The following OLFM3 variants were observed in gnomAD, a reference collection of about 807,000 sequenced individuals.
OLFM3 encodes the protein noelin-3.
Under a neutral mutation model 48.6 loss-of-function variants are expected in OLFM3, and 20 were observed. The observed-to-expected ratio is 0.41, with a 90% CI of 0.29 to 0.60. The LOEUF (loss-of-function observed/expected upper bound fraction) is 0.60, where lower values mean the gene tolerates loss of function less well. OLFM3 is among the 20% of genes least tolerant of loss of function. The probability of loss-of-function intolerance (pLI) is 0.28; values close to 1 mark genes in which losing one functional copy is unlikely to be tolerated. For synonymous variants in OLFM3, 222 were observed against 198.1 expected (o/e 1.12, Z -1.01); for missense variants, 437 against 544.3 (o/e 0.80, Z 1.96).
intron 1 of OLFM3, among the ~76,000 whole-genome samples, chr1:101,908,396 A>G (rs1658624359): frequency 6.6e-6 from 1 of 152,240 alleles, no homozygotes; most frequent in Non-Finnish European, 1.5e-5. Flanking sequence ...AGTAAATTAT[A>G]TGTGCTAAAA....
intron 1 of OLFM3, among the ~76,000 whole-genome samples, chr1:101,987,847 T>G (rs10874530): frequency 6.6e-6 from 1 of 151,884 alleles, no homozygotes; most frequent in South Asian, 2.1e-4. Flanking sequence ...TTTGTAATAT[T>G]TAAGCAACTT....
intron 1 of OLFM3, among the ~76,000 whole-genome samples, chr1:101,923,633 A>G (rs933321239): frequency 3.3e-5 from 5 of 152,054 alleles, no homozygotes; most frequent in Admixed American, 6.6e-5. Context: ...ACTTATTCTT[A>G]AAAGGTGACA....
rs1371849434 is a variant in OLFM3 at position 101,953,068 on chromosome 1, T to G, written c.69+43680A>C. Among the ~76,000 whole-genome samples, 3 of 152,160 alleles carry G rather than the reference T, an allele frequency of 2.0e-5. No homozygotes were observed. In the East Asian group the frequency reaches 5.8e-4, roughly 29 times the overall value. Reference sequence around the variant, plus strand: ...ATGCTAGTTTCCAAGACTTATTAATTTAAAAATGTAAAACTTCTCAATATT... The same window carrying G: ...ATGCTAGTTTCCAAGACTTATTAATGTAAAAATGTAAAACTTCTCAATATT... On this transcript the variant is annotated intron_variant, in intron 1 of 5. Coordinates refer to ENST00000370103, the MANE Select transcript of OLFM3 (RefSeq NM_058170.4).
chr1:101,921,601 G>C (rs1359869863), intron 1 of OLFM3, among the ~76,000 whole-genome samples: 1 of 152,092 alleles, frequency 6.6e-6, no homozygotes, highest in Non-Finnish European at 1.5e-5. Context: ...AAGTCTTAGA[G>C]TTCTATCCTC....
At chr1:101,902,592 T>C (rs1313422104) in intron 1 of OLFM3, among the ~76,000 whole-genome samples, 1 of 152,086 alleles carries the variant, frequency 6.6e-6, no homozygotes, top group African/African-American at 2.4e-5. Flanking sequence ...ATAAGAAAGA[T>C]GGTCTCAGTC....
chr1:101,969,486 G>C (rs933304978), intron 1 of OLFM3, among the ~76,000 whole-genome samples: 1 of 151,880 alleles, frequency 6.6e-6, no homozygotes, highest in African/African-American at 2.4e-5. Context: ...TTTTATTATC[G>C]TAAAGAGCCA....
intron 1 of OLFM3, among the ~76,000 whole-genome samples, chr1:101,922,723 A>T (rs1464636752): frequency 6.6e-6 from 1 of 152,130 alleles, no homozygotes; most frequent in Non-Finnish European, 1.5e-5. Context: ...ATGTGTTGTA[A>T]CCTGGAACAC....
intron 1 of OLFM3, among the ~76,000 whole-genome samples, chr1:101,923,845 A>C (rs547572982): frequency 6.6e-6 from 1 of 152,016 alleles, no homozygotes; most frequent in African/African-American, 2.4e-5. Flanking sequence ...ATTCTATATC[A>C]TTTCTTCCAT....
At chr1:101,978,750 G>C (rs1393833805) in intron 1 of OLFM3, among the ~76,000 whole-genome samples, 6 of 152,088 alleles carry the variant, frequency 3.9e-5, no homozygotes, top group African/African-American at 9.7e-5. Flanking sequence ...CAACAACATT[G>C]CAGTACTTTA....
chr1:101,895,477 A>C (rs964731133), intron 1 of OLFM3, among the ~76,000 whole-genome samples: 2 of 151,948 alleles, frequency 1.3e-5, no homozygotes, highest in African/African-American at 4.8e-5. Context: ...ATTAAAATAC[A>C]CCTAAATTCC....
chr1:101,980,187 CGTT>C (rs1661069504), intron 1 of OLFM3, among the ~76,000 whole-genome samples: 1 of 152,042 alleles, frequency 6.6e-6, no homozygotes, highest in Non-Finnish European at 1.5e-5. Context: ...TCAGATGAGA[CGTT>C]GGACTGTGGA....
chr1:101,945,015 A>G (rs1659912393), intron 1 of OLFM3, among the ~76,000 whole-genome samples: 2 of 152,364 alleles, frequency 1.3e-5, no homozygotes, highest in African/African-American at 4.8e-5. Flanking sequence ...CATTTAGAAT[A>G]CATAAAATTA....
At chr1:101,841,360 C>A (rs546644040) in intron 1 of OLFM3, among the ~76,000 whole-genome samples, 1 of 152,296 alleles carries the variant, frequency 6.6e-6, no homozygotes, top group South Asian at 2.1e-4. Flanking sequence ...TATAAGTCAT[C>A]CATTTTGTTA....
chr1:101,967,147 A>G (rs1163595545), intron 1 of OLFM3, among the ~76,000 whole-genome samples: 2 of 152,174 alleles, frequency 1.3e-5, no homozygotes, highest in Non-Finnish European at 2.9e-5. Context: ...AATACACACC[A>G]GGATTTCAAT....
chr1:101,862,822 T>TTCCC (rs1281109444), intron 1 of OLFM3, among the ~76,000 whole-genome samples: 1 of 152,170 alleles, frequency 6.6e-6, no homozygotes, highest in Non-Finnish European at 1.5e-5. Flanking sequence ...TTTCAATACA[T>TTCCC]AAACTATTCC....
At chr1:101,828,078 C>T (rs374667732) in intron 3 of OLFM3, among the ~76,000 whole-genome samples, 6 of 151,588 alleles carry the variant, frequency 4.0e-5, no homozygotes, top group Middle Eastern at 3.4e-3. Flanking sequence ...CTCTCTCTCT[C>T]TCCTCCTGCC....
At chr1:101,950,007 G>A (rs1483535499) in intron 1 of OLFM3, among the ~76,000 whole-genome samples, 2 of 136,740 alleles carry the variant, frequency 1.5e-5, no homozygotes, top group African/African-American at 2.8e-5. Context: ...CAGCCTGGGC[G>A]ACAGAGTGAG....
chr1:101,922,315 G>A (rs1659123308), intron 1 of OLFM3, among the ~76,000 whole-genome samples: 1 of 152,088 alleles, frequency 6.6e-6, no homozygotes, highest in South Asian at 2.1e-4. Context: ...AATAAATATT[G>A]GCTCTTAATT....
chr1:101,989,198 C>T (rs1477755640), intron 1 of OLFM3, among the ~76,000 whole-genome samples: 1 of 152,054 alleles, frequency 6.6e-6, no homozygotes, highest in African/African-American at 2.4e-5. Context: ...ATGAATACAA[C>T]AGCATCTGCA....
Sources: allele counts gnomAD v4.1 joint callset (sites outside exome capture counted in the v4.1 genomes callset), GRCh38; gene constraint gnomAD v4.1.1; transcripts MANE v1.5; gene names NCBI Gene and HGNC (gene_info 2026-07-23, HGNC 2026-07-21).